The following SEC24B variants were observed in gnomAD, a reference collection of about 807,000 sequenced individuals.
SEC24B encodes the protein SEC24 homolog B, COPII component, also known as protein transport protein Sec24B.
In SEC24B, 45 loss-of-function variants were observed where a neutral mutation model predicts 142.8. The observed-to-expected ratio is 0.32, with a 90% CI of 0.25 to 0.40. The LOEUF (loss-of-function observed/expected upper bound fraction) is 0.40. SEC24B is among the 10% of genes least tolerant of loss of function. The pLI, the probability that SEC24B is intolerant of heterozygous loss-of-function variation, is 1.00. For missense variants in SEC24B, 1,409 were observed against 1,526.8 expected, an observed-to-expected ratio of 0.92 and a Z score of 1.29; for synonymous variants, 574 against 568.2, an observed-to-expected ratio of 1.01 and a Z score of -0.15.
chr4:109,466,997 T>C (rs1731970097), intron 2 of SEC24B, among the ~76,000 whole-genome samples: 1 of 152,190 alleles, frequency 6.6e-6, no homozygotes, highest in African/African-American at 2.4e-5. Context: ...ATTAGTACAT[T>C]ATAATTCAGT....
chr4:109,479,848 A>G (rs552018225), intron 3 of SEC24B, among the ~76,000 whole-genome samples: 4 of 138,834 alleles, frequency 2.9e-5, no homozygotes, highest in Admixed American at 7.2e-5. Flanking sequence ...TTATTTTCTC[A>G]TGAAGTGCTG....
At position 109,526,260 on chromosome 4, in the gene SEC24B, T is replaced by C; in HGVS notation, c.2826T>C (p.Phe942=). 1.2e-6 allele frequency: 2 copies of C among 1,614,014 alleles called. No homozygotes were observed. Among genetic ancestry groups the C allele is most frequent in the Non-Finnish European group, 1.7e-6 (2 of 1,179,968 alleles). ...TGCACACTTTTCACGGTAACTTCTT[T>C]GTCCGTTCTACTGATTTGTTATCCC... ...LSMHTFHGNF[F]VRSTDLLSLA... is the part of the protein sequence containing the mutation. Residue 942 remains phenylalanine (F), a synonymous_variant, in exon 17 of 24, where the codon TTT becomes TTC. Transcript: ENST00000265175.
chr4:109,522,672 G>A (rs113461859), intron 14 of SEC24B, among the ~76,000 whole-genome samples: 71 of 152,254 alleles, frequency 4.7e-4, no homozygotes, highest in African/African-American at 1.7e-3. Context: ...GTGGAGAAAA[G>A]CATAAATCAC....
At chr4:109,529,054 T>C (rs1724594401) in intron 18 of SEC24B, among the ~76,000 whole-genome samples, 1 of 151,620 alleles carries the variant, frequency 6.6e-6, no homozygotes, top group Non-Finnish European at 1.5e-5. Flanking sequence ...TCCCAGCTAC[T>C]CAGGAGGCTG....
intron 2 of SEC24B, among the ~76,000 whole-genome samples, chr4:109,465,185 G>A (rs555312168): frequency 1.3e-5 from 2 of 152,196 alleles, no homozygotes; most frequent in Non-Finnish European, 2.9e-5. Context: ...CATAGTAGAG[G>A]CGAACAAGAA....
At chr4:109,523,613 T>G (rs1317573434) in intron 14 of SEC24B, among the ~76,000 whole-genome samples, 1 of 152,234 alleles carries the variant, frequency 6.6e-6, no homozygotes, top group East Asian at 1.9e-4. Flanking sequence ...TCATTTTTCT[T>G]TTGTACAAGT....
At chr4:109,531,327 T>C in intron 19 of SEC24B, 58 bp from the exon 20 acceptor site, 1 of 1,432,560 alleles carries the variant, frequency 7.0e-7, no homozygotes, top group Non-Finnish European at 9.7e-7. Context: ...ATATTTGTTT[T>C]AATATTTGTC....
At position 109,532,014 on chromosome 4, in the gene SEC24B, G is replaced by A. The variant is rs142506159; in HGVS notation, c.3390+492G>A. 2.6e-5 allele frequency among the ~76,000 whole-genome samples: 4 copies of A among 151,910 alleles called. No individual in the cohort carries two copies. The South Asian group carries it at 6.2e-4, about 24-fold the overall frequency. ...TGGGATTACAGGCACATGCCACCAC[G>A]CCTGGCTAATTTTTGTACTTTTAGT... On this transcript the variant is annotated intron_variant, in intron 20 of 23. Transcript: ENST00000265175.
In SEC24B at chr4:109,539,688, T is replaced by A; in HGVS notation, c.*13T>A. On this transcript the variant is annotated 3_prime_UTR_variant, in exon 24 of 24. Transcript: ENST00000265175. ...GATTTGTAAGTGAAGTAGAATAAAA[T>A]TGAATAAGAAAAAGATCTATAACCT... 2 of 1,531,036 alleles carry A rather than the reference T, an allele frequency of 1.3e-6. No individual in the cohort carries two copies. Among genetic ancestry groups the A allele is most frequent in the Non-Finnish European group, 1.8e-6 (2 of 1,107,764 alleles). 94.8% of individuals were successfully genotyped at this position (1,531,036 alleles called of 1,614,324 possible).
At chr4:109,521,366 A>G (rs1723594057) in intron 13 of SEC24B, 54 bp from the exon 14 acceptor site, 1 of 1,453,366 alleles carries the variant, frequency 6.9e-7, no homozygotes, top group Non-Finnish European at 9.6e-7. Flanking sequence ...GTTTTAAAAT[A>G]AGATTATTCC....
intron 3 of SEC24B, among the ~76,000 whole-genome samples, chr4:109,474,633 C>G (rs1244254028): frequency 6.6e-6 from 1 of 152,088 alleles, no homozygotes; most frequent in East Asian, 1.9e-4. Context: ...CCATGTTGAC[C>G]AATCTGGCCT....
intron 3 of SEC24B, among the ~76,000 whole-genome samples, chr4:109,477,240 C>T (rs1733271870): frequency 6.6e-6 from 1 of 150,436 alleles, no homozygotes; most frequent in African/African-American, 2.4e-5. Context: ...ACTTGTTTTA[C>T]TCTATCAGCA....
chr4:109,464,405 C>G (rs954919647), intron 2 of SEC24B, among the ~76,000 whole-genome samples: 25 of 152,106 alleles, frequency 1.6e-4, no homozygotes, highest in African/African-American at 5.8e-4. Context: ...ATCTCAGCCC[C>G]ACAAGTAGCT....
At position 109,510,094 on chromosome 4, in the gene SEC24B, C is replaced by A. The variant is rs981369947; in HGVS notation, c.1759C>A (p.Pro587Thr). 15 of 1,597,834 alleles carry A rather than the reference C, an allele frequency of 9.4e-6. No individual in the cohort carries two copies. The highest frequency in any genetic ancestry group is 1.1e-5 in the Non-Finnish European group (13 of 1,168,436). Residue 587 changes from proline to threonine, a missense_variant, in exon 8 of 24, where the codon CCC becomes ACC. Pro to Thr is a conservative substitution (Grantham distance 38). Around this residue, in one of 2 missense-constraint regions of SEC24B, gnomAD observed 700 missense variants for 853.3 expected, o/e 0.82. Coordinates refer to ENST00000265175, the MANE Select transcript of SEC24B (RefSeq NM_006323.5). ...AKLPLGLLLH[P>T]FRDLTQLPVI... is the part of the protein sequence containing the mutation. ...GCTTCCTTTAGGATTGTTGTTACAT[C>A]CCTTCAGAGACCTAACGGTAAAGTA...
intron 4 of SEC24B, among the ~76,000 whole-genome samples, chr4:109,483,874 C>T (rs912385356): frequency 1.3e-5 from 2 of 152,110 alleles, no homozygotes; most frequent in Non-Finnish European, 2.9e-5. Flanking sequence ...CCAGATAAAC[C>T]ATTTTTGCCA....
At chr4:109,473,315 A>G (rs1578834776) in intron 3 of SEC24B, 129 bp downstream of exon 3, 5 of 549,464 alleles carry the variant, frequency 9.1e-6, no homozygotes, top group African/African-American at 5.9e-5. Context: ...AGTGTCTCAT[A>G]TATGTTTTAC....
At chr4:109,477,550 T>C (rs957353129) in intron 3 of SEC24B, among the ~76,000 whole-genome samples, 2 of 152,060 alleles carry the variant, frequency 1.3e-5, no homozygotes, top group African/African-American at 4.8e-5. Context: ...GGTCTTGAAC[T>C]CCCAGGCTCG....
At chr4:109,483,034 TTATATA>T (rs200824031) in intron 4 of SEC24B, among the ~76,000 whole-genome samples, 12,031 of 108,506 alleles carry the variant, frequency 0.11, 2,522 homozygotes, top group African/African-American at 0.45. Flanking sequence ...ATATATGTAT[TTATATA>T]TATGTATTTA....
intron 1 of SEC24B, among the ~76,000 whole-genome samples, chr4:109,440,118 C>T (rs1337529977): frequency 4.9e-5 from 7 of 144,294 alleles, no homozygotes; most frequent in Admixed American, 4.8e-4. Context: ...GAGACTTCGT[C>T]GCAAAAAAAA....
Sources: allele counts gnomAD v4.1 joint callset (sites outside exome capture counted in the v4.1 genomes callset), GRCh38; gene constraint gnomAD v4.1.1; regional missense constraint gnomAD v4.1.1; transcripts MANE v1.5; gene names NCBI Gene and HGNC (gene_info 2026-07-23, HGNC 2026-07-21).